The following ATP6V1F variants were observed in gnomAD, a reference collection of about 807,000 sequenced individuals.
ATP6V1F encodes the protein ATPase H+ transporting V1 subunit F.
In ATP6V1F, 4 loss-of-function variants were observed where a neutral mutation model predicts 6.6. That is an observed-to-expected ratio of 0.60 (90% CI 0.30 to 1.38). The LOEUF (loss-of-function observed/expected upper bound fraction) is 1.38. ATP6V1F is among the 40% of genes most tolerant of loss of function. The probability of loss-of-function intolerance (pLI) is 0.08; values close to 1 mark genes in which losing one functional copy is unlikely to be tolerated. For synonymous variants in ATP6V1F, 68 were observed against 66.9 expected (o/e 1.02, Z -0.08); for missense variants, 136 against 165.5 (o/e 0.82, Z 0.98).
chr7:128,864,667 C>T lies in ATP6V1F; in HGVS notation c.159-710C>T, dbSNP rs537479423. Among the ~76,000 whole-genome samples, 423 of 149,202 alleles carry T rather than the reference C, an allele frequency of 2.8e-3. 3 individuals are homozygous for T. The highest frequency in any genetic ancestry group is 1.0e-2 in the African/African-American group (403 of 40,482). On this transcript the variant is annotated intron_variant, in intron 1 of 1. Transcript: ENST00000249289. ...CCAGGCTGGATTGCAGTGGCGTGAT[C>T]GCAGCTCACTGCGGCCTCGACTTCC...
Position 128,862,991 on chromosome 7 carries a change from C to G in ATP6V1F, c.87C>G (p.Asn29Lys). The change falls in exon 1 of 2, where the codon AAC becomes AAG. Residue 29 changes from asparagine (N) to lysine (K), a missense_variant. Coordinates refer to ENST00000249289, the MANE Select transcript of ATP6V1F (RefSeq NM_004231.4). ...GFLLGGIGEL[N>K]KNRHPNFLVV... ...TGCTGGGCGGCATAGGGGAGCTTAACAAGAACCGCCATCCCAATTTCCTGG... is the reference window on the plus strand; with the variant it reads ...TGCTGGGCGGCATAGGGGAGCTTAAGAAGAACCGCCATCCCAATTTCCTGG... 1 of 1,613,634 alleles carries G rather than the reference C, an allele frequency of 6.2e-7. No individual in the cohort carries two copies. Among genetic ancestry groups the G allele is most frequent in the Non-Finnish European group, 8.5e-7 (1 of 1,179,786 alleles).
chr7:128,865,330 G>A lies in ATP6V1F; in HGVS notation c.159-47G>A, dbSNP rs770043021. 1.2e-6 allele frequency: 2 copies of A among 1,607,360 alleles called. No individual in the cohort carries two copies. Among genetic ancestry groups the A allele is most frequent in the Non-Finnish European group, 1.7e-6 (2 of 1,175,126 alleles). On this transcript the variant is annotated intron_variant, in intron 1 of 1. Transcript: ENST00000249289. The surrounding 1 kb of genome is among the most constrained non-coding windows in gnomAD (Gnocchi z 4.4). ...GAGGGCTGCCTGGGTAGGAGAGACG[G>A]CAGCCCCCAGAGCTGTCCTGGACTC... is the stretch of plus-strand genomic sequence containing the variant.
rs762795393 is a variant in ATP6V1F at position 128,865,546 on chromosome 7, A to G, written c.328A>G (p.Arg110Gly). 6.2e-7 allele frequency: 1 copy of G among 1,614,040 alleles called. No individual in the cohort carries two copies. The highest frequency in any genetic ancestry group is 8.5e-7 in the Non-Finnish European group (1 of 1,180,020). Residue 110 changes from arginine (R) to glycine (G), a missense_variant, in exon 2 of 2, where the codon AGG becomes GGG. Physicochemically the swap from Arg to Gly is moderately radical, Grantham distance 125. Transcript: ENST00000249289. This position sits in a 1 kb window ranked among gnomAD's most constrained non-coding sequence, Gnocchi z 4.4. Reference sequence around the variant, plus strand: ...CAAGGACTCCATCCTGCGCAGGGCCAGGGGCATGTTCACTGCCGAAGACCT... The same window carrying G: ...CAAGGACTCCATCCTGCGCAGGGCCGGGGGCATGTTCACTGCCGAAGACCT... Reference protein sequence around the residue: ...AAKDSILRRARGMFTAEDLR With the variant: ...AAKDSILRRAGGMFTAEDLR
In ATP6V1F at chr7:128,865,423, T is replaced by A. The variant is rs750873110; in HGVS notation, c.205T>A (p.Tyr69Asn). The A allele has an allele frequency of 2.2e-5, 35 of 1,614,124 alleles. No homozygotes were observed. The highest frequency in any genetic ancestry group is 3.0e-5 in the Non-Finnish European group (35 of 1,180,028). ...DDIGIILINQ[Y>N]IAEMVRHALD... ...CATTGGCATCATCCTCATCAACCAG[T>A]ACATCGCAGAGATGGTGCGGCATGC... The change falls in exon 2 of 2, where the codon TAC (tyrosine) becomes AAC (asparagine). Residue 69 changes from tyrosine to asparagine, a missense_variant. Physicochemically the swap from Tyr to Asn is moderately radical, Grantham distance 143. Transcript: ENST00000249289. This position sits in a 1 kb window ranked among gnomAD's most constrained non-coding sequence, Gnocchi z 4.4.
Position 128,863,042 on chromosome 7 carries a change from T to C in ATP6V1F, c.138T>C (p.Asn46=). ...FLVVEKDTTI[N]EIEDTFRQFL... is the part of the protein sequence containing the mutation. ...TGGTGGAGAAGGATACAACCATCAA[T>C]GAGATCGAAGACACTTTCCGGTACG... Residue 46 remains asparagine, a synonymous_variant, in exon 1 of 2, where the codon AAT becomes AAC. Transcript: ENST00000249289. The C allele has an allele frequency of 1.2e-6, 2 of 1,612,198 alleles. No individual in the cohort carries two copies. The highest frequency in any genetic ancestry group is 8.5e-7 in the Non-Finnish European group (1 of 1,179,132).
intron 1 of ATP6V1F, among the ~76,000 whole-genome samples, chr7:128,864,693 C>T (rs1224946118): frequency 1.3e-5 from 2 of 151,810 alleles, no homozygotes; most frequent in Non-Finnish European, 2.9e-5. Context: ...CTCGACTTCC[C>T]AGGCTCAAGT....
Position 128,865,598 on chromosome 7 carries a change from A to G in ATP6V1F, c.*20A>G. The G allele has an allele frequency of 1.3e-6, 2 of 1,595,892 alleles. No homozygotes were observed. The highest frequency in any genetic ancestry group is 1.7e-6 in the Non-Finnish European group (2 of 1,168,034). On this transcript the variant is annotated 3_prime_UTR_variant, in exon 2 of 2. Coordinates refer to ENST00000249289, the MANE Select transcript of ATP6V1F (RefSeq NM_004231.4). The surrounding 1 kb of genome is among the most constrained non-coding windows in gnomAD (Gnocchi z 4.4). ...CGCTAGGGGACTCCTCATAGCCCTC[A>G]GCCCTTCCCTCGTTTCCAGGCCTCT...
At chr7:128,864,349 A>C (rs1231594390) in intron 1 of ATP6V1F, among the ~76,000 whole-genome samples, 1 of 152,168 alleles carries the variant, frequency 6.6e-6, no homozygotes, top group Non-Finnish European at 1.5e-5. Flanking sequence ...TCTCAAAAAA[A>C]TAAAAATAAA....
rs1406104542 is a variant in ATP6V1F at position 128,865,132 on chromosome 7, C to G, written c.159-245C>G. 1.3e-6 allele frequency: 2 copies of G among 1,536,218 alleles called. No individual in the cohort carries two copies. The highest frequency in any genetic ancestry group is 3.9e-5 in the Admixed American group (2 of 51,006). Reference sequence around the variant, plus strand: ...TCTTCATTACCAGTTCACTTGGAAGCCTTCCGGGCAGTGTTGTAGAAGCCA... The same window carrying G: ...TCTTCATTACCAGTTCACTTGGAAGGCTTCCGGGCAGTGTTGTAGAAGCCA... On this transcript the variant is annotated intron_variant, in intron 1 of 1. Transcript: ENST00000249289. This position sits in a 1 kb window ranked among gnomAD's most constrained non-coding sequence, Gnocchi z 4.4.
chr7:128,865,551 C>T lies in ATP6V1F; in HGVS notation c.333C>T (p.Gly111=). 1.2e-6 allele frequency: 2 copies of T among 1,614,046 alleles called. No individual in the cohort carries two copies. The highest frequency in any genetic ancestry group is 8.5e-7 in the Non-Finnish European group (1 of 1,180,022). Reference sequence around the variant, plus strand: ...ACTCCATCCTGCGCAGGGCCAGGGGCATGTTCACTGCCGAAGACCTGCGCT... The same window carrying T: ...ACTCCATCCTGCGCAGGGCCAGGGGTATGTTCACTGCCGAAGACCTGCGCT... ...AKDSILRRAR[G]MFTAEDLR is the part of the protein sequence containing the mutation. The change falls in exon 2 of 2, where the codon GGC becomes GGT. Residue 111 remains glycine, a synonymous_variant. Coordinates refer to ENST00000249289, the MANE Select transcript of ATP6V1F (RefSeq NM_004231.4). This position sits in a 1 kb window ranked among gnomAD's most constrained non-coding sequence, Gnocchi z 4.4.
At chr7:128,864,598 C>CTTT (rs563759628) in intron 1 of ATP6V1F, among the ~76,000 whole-genome samples, 5 of 135,864 alleles carry the variant, frequency 3.7e-5, no homozygotes, top group African/African-American at 8.1e-5. Context: ...GTTAATGTGT[C>CTTT]TTTTTTTTTT....
At position 128,862,876 on chromosome 7, in the gene ATP6V1F, T is replaced by G. The variant is rs1563007786; in HGVS notation, c.-29T>G. 6.5e-7 allele frequency: 1 copy of G among 1,541,200 alleles called. No homozygotes were observed. Among genetic ancestry groups the G allele is most frequent in the Non-Finnish European group, 8.7e-7 (1 of 1,144,294 alleles). ...GCGGGGTTTCAGTGGCTTCTGGTGC[T>G]CTAGGGTGAGCTCTGCCCGGCTGCA... is the stretch of plus-strand genomic sequence containing the variant. On this transcript the variant is annotated 5_prime_UTR_variant, in exon 1 of 2. Transcript: ENST00000249289.
chr7:128,863,917 A>G (rs1457795279), intron 1 of ATP6V1F, among the ~76,000 whole-genome samples: 1 of 152,216 alleles, frequency 6.6e-6, no homozygotes, highest in Non-Finnish European at 1.5e-5. Flanking sequence ...AAGTGACCCA[A>G]GTTATCATGG....
At chr7:128,864,464 C>T (rs1460872522) in intron 1 of ATP6V1F, among the ~76,000 whole-genome samples, 1 of 152,244 alleles carries the variant, frequency 6.6e-6, no homozygotes, top group Non-Finnish European at 1.5e-5. Flanking sequence ...CTCTTCCTAG[C>T]TTGTGATCTT....
chr7:128,864,781 AT>A (rs113382359), intron 1 of ATP6V1F: 17,852 of 191,174 alleles, frequency 0.093, 1,590 homozygotes, highest in African/African-American at 0.25. Context: ...ACATCCAGCC[AT>A]TTTTTTTTTG....
chr7:128,863,052 G>T lies in ATP6V1F; in HGVS notation c.148G>T (p.Asp50Tyr). The change falls in exon 1 of 2, where the codon GAC (aspartate) becomes TAC (tyrosine). Residue 50 changes from aspartate (D) to tyrosine (Y), a missense_variant. Asp to Tyr is a radical substitution (Grantham distance 160). Transcript: ENST00000249289. Reference sequence around the variant, plus strand: ...GGATACAACCATCAATGAGATCGAAGACACTTTCCGGTACGGTACCGCGCG... The same window carrying T: ...GGATACAACCATCAATGAGATCGAATACACTTTCCGGTACGGTACCGCGCG... ...EKDTTINEIE[D>Y]TFRQFLNRDD... 1 of 1,612,080 alleles carries T rather than the reference G, an allele frequency of 6.2e-7. No individual in the cohort carries two copies. Among genetic ancestry groups the T allele is most frequent in the Non-Finnish European group, 8.5e-7 (1 of 1,179,156 alleles).
intron 1 of ATP6V1F, among the ~76,000 whole-genome samples, chr7:128,863,452 G>A (rs1809316973): frequency 1.3e-5 from 2 of 152,184 alleles, no homozygotes; most frequent in Admixed American, 1.3e-4. Flanking sequence ...CTAAAGTTAC[G>A]AGTCGGCAGA....
rs1809294704 is a variant in ATP6V1F, at chr7:128,862,878, T to C, written c.-27T>C. The C allele has an allele frequency of 1.3e-6, 2 of 1,546,342 alleles. No individual in the cohort carries two copies. The highest frequency in any genetic ancestry group is 1.7e-6 in the Non-Finnish European group (2 of 1,147,114). On this transcript the variant is annotated 5_prime_UTR_variant, in exon 1 of 2. Coordinates refer to ENST00000249289, the MANE Select transcript of ATP6V1F (RefSeq NM_004231.4). ...GGGGTTTCAGTGGCTTCTGGTGCTC[T>C]AGGGTGAGCTCTGCCCGGCTGCAGG...
Position 128,865,580 on chromosome 7 carries a change from G to T in ATP6V1F, c.*2G>T. 1 of 1,612,676 alleles carries T rather than the reference G, an allele frequency of 6.2e-7. No homozygotes were observed. The highest frequency in any genetic ancestry group is 1.1e-5 in the South Asian group (1 of 90,890). ...TTCACTGCCGAAGACCTGCGCTAGG[G>T]GACTCCTCATAGCCCTCAGCCCTTC... On this transcript the variant is annotated 3_prime_UTR_variant, in exon 2 of 2. Coordinates refer to ENST00000249289, the MANE Select transcript of ATP6V1F (RefSeq NM_004231.4). The surrounding 1 kb of genome is among the most constrained non-coding windows in gnomAD (Gnocchi z 4.4).
Sources: allele counts gnomAD v4.1 joint callset (sites outside exome capture counted in the v4.1 genomes callset), GRCh38; gene constraint gnomAD v4.1.1; non-coding constraint Gnocchi (gnomAD v3.1); transcripts MANE v1.5; gene names NCBI Gene and HGNC (gene_info 2026-07-23, HGNC 2026-07-21).